LRIG2: variants seen among roughly 807,000 people sequenced by gnomAD.
LRIG2 encodes the protein leucine rich repeats and immunoglobulin like domains 2.
LRIG2 carries 93 observed loss-of-function variants against 107.8 expected under a neutral mutation model. That is an observed-to-expected ratio of 0.86 (90% CI 0.73 to 1.03). The LOEUF (loss-of-function observed/expected upper bound fraction) is 1.03, where lower values mean the gene tolerates loss of function less well. Ranked by LOEUF, LRIG2 falls within the 50% of genes least tolerant of loss-of-function variation. The pLI, the probability that LRIG2 is intolerant of heterozygous loss-of-function variation, is 0.00. For missense variants in LRIG2, 1,226 were observed against 1,296.0 expected, an observed-to-expected ratio of 0.95 and a Z score of 0.83; for synonymous variants, 471 against 470.6, an observed-to-expected ratio of 1.00 and a Z score of -0.01.
intron 1 of LRIG2, among the ~76,000 whole-genome samples, chr1:113,085,007 A>G (rs12063125): frequency 0.018 from 2,681 of 152,342 alleles, 94 homozygotes; most frequent in African/African-American, 0.061. Flanking sequence ...TATTGATTTC[A>G]TGTTTGGCGG....
intron 2 of LRIG2, among the ~76,000 whole-genome samples, chr1:113,092,933 G>C (rs1653888854): frequency 6.6e-6 from 1 of 150,854 alleles, no homozygotes; most frequent in Non-Finnish European, 1.5e-5. Context: ...AGGTTGCAGT[G>C]AGCCAAGATT....
rs754301196 is a variant in LRIG2 at position 113,119,258 on chromosome 1, C to T, written c.2706C>T (p.Cys902=). The T allele has an allele frequency of 6.2e-7, 1 of 1,613,366 alleles. No individual in the cohort carries two copies. Among genetic ancestry groups the T allele is most frequent in the African/African-American group, 1.3e-5 (1 of 74,896 alleles). The change falls in exon 17 of 18, where the codon TGC becomes TGT. Residue 902 remains cysteine (C), a synonymous_variant. Transcript: ENST00000361127. Reference sequence around the variant, plus strand: ...GTGGCACTGGTACCCGGGTGATTTGCTCAGATTGTTATGACAATGCCAACA... The same window carrying T: ...GTGGCACTGGTACCCGGGTGATTTGTTCAGATTGTTATGACAATGCCAACA... ...TDGGTGTRVI[C]SDCYDNANIY... is the part of the protein sequence containing the mutation.
chr1:113,119,763 A>G (rs1655168983), intron 17 of LRIG2, among the ~76,000 whole-genome samples: 5 of 152,170 alleles, frequency 3.3e-5, no homozygotes, highest in Admixed American at 3.3e-4. Flanking sequence ...ACACTACTGA[A>G]AATTCAGAGG....
intron 7 of LRIG2, 72 bp from the exon 8 acceptor site, chr1:113,096,150 G>T: frequency 6.3e-7 from 1 of 1,583,128 alleles, no homozygotes; most frequent in Non-Finnish European, 8.6e-7. Flanking sequence ...AATTTACCAT[G>T]TAGATATAAT....
At chr1:113,119,157 T>G in intron 16 of LRIG2, 76 bp from the exon 17 acceptor site, 3 of 1,422,576 alleles carry the variant, frequency 2.1e-6, no homozygotes, top group Non-Finnish European at 2.9e-6. Flanking sequence ...TGATGACAAC[T>G]TTTGAAGAAA....
At chr1:113,103,529 A>G (rs186756071) in intron 11 of LRIG2, 2 of 152,350 alleles carry the variant, frequency 1.3e-5, no homozygotes, top group East Asian at 1.9e-4. Context: ...CGTGGTCCCT[A>G]TATCTATTGA....
rs1570712650 is a variant in LRIG2 at position 113,073,207 on chromosome 1, G to A, written c.-200G>A. 6 of 586,190 alleles carry A rather than the reference G, an allele frequency of 1.0e-5. No individual in the cohort carries two copies. The South Asian group carries it at 1.3e-4, about 12-fold the overall frequency. The allele number at this position is 586,190 out of a possible 1,614,324, so 36.3% of individuals were successfully genotyped here. A position where few individuals can be genotyped will look rare whatever the true frequency, so the allele number is the denominator to read the frequency against. Reference sequence around the variant, plus strand: ...CGCCGTGGGGAGGGGCGGACGAGAGGTGTCCGTCAGGCCGTGTGTCCCAGG... The same window carrying A: ...CGCCGTGGGGAGGGGCGGACGAGAGATGTCCGTCAGGCCGTGTGTCCCAGG... On this transcript the variant is annotated 5_prime_UTR_variant, in exon 1 of 18. It adds an upstream start codon to the 5' untranslated region. Transcript: ENST00000361127.
intron 17 of LRIG2, among the ~76,000 whole-genome samples, chr1:113,123,645 G>A (rs1655356337): frequency 6.6e-6 from 1 of 150,512 alleles, no homozygotes. Context: ...GACAGTAGAC[G>A]ATATATAGTA....
At chr1:113,121,667 C>T (rs1445410759) in intron 17 of LRIG2, among the ~76,000 whole-genome samples, 1 of 151,550 alleles carries the variant, frequency 6.6e-6, no homozygotes, top group Non-Finnish European at 1.5e-5. Flanking sequence ...CACTTGAACC[C>T]AGGAGGCGGA....
Position 113,077,151 on chromosome 1 carries a change from C to CT in LRIG2, c.239+3517dup, listed in dbSNP as rs1388845564. 4.4e-3 allele frequency among the ~76,000 whole-genome samples: 646 copies of CT among 145,496 alleles called. 3 individuals are homozygous for CT. Among genetic ancestry groups the CT allele is most frequent in the African/African-American group, 0.014 (543 of 40,012 alleles). On this transcript the variant is annotated intron_variant, in intron 1 of 17. Coordinates refer to ENST00000361127, the MANE Select transcript of LRIG2 (RefSeq NM_014813.3). ...CACTGTAGACTGTTAAATTTTTTTT[C>CT]TTTTTTTTTTTGAGATGGAGTTTCT...
Position 113,126,691 on chromosome 1 carries a change from T to G in LRIG2, c.*2590T>G, listed in dbSNP as rs1296615190. Reference sequence around the variant, plus strand: ...GTTTGCCCAAAAGAGGTAAGCCACTTTATTACAGACCCATTACTAGTGCTA... The same window carrying G: ...GTTTGCCCAAAAGAGGTAAGCCACTGTATTACAGACCCATTACTAGTGCTA... On this transcript the variant is annotated 3_prime_UTR_variant, in exon 18 of 18. Coordinates refer to ENST00000361127, the MANE Select transcript of LRIG2 (RefSeq NM_014813.3). The G allele has an allele frequency of 6.5e-6, 1 of 153,280 alleles. No homozygotes were observed. Among genetic ancestry groups the G allele is most frequent in the Non-Finnish European group, 1.5e-5 (1 of 68,052 alleles). 9.5% of individuals were successfully genotyped at this position (153,280 alleles called of 1,614,324 possible).
Position 113,128,194 on chromosome 1 carries a change from T to C in LRIG2, c.*4093T>C, listed in dbSNP as rs1055607605. On this transcript the variant is annotated 3_prime_UTR_variant, in exon 18 of 18. Coordinates refer to ENST00000361127, the MANE Select transcript of LRIG2 (RefSeq NM_014813.3). Reference sequence around the variant, plus strand: ...GTTCTCCCATGGGCAGCAGCACTTCTTGAGCTGTTTAGTACTGCCACACCT... The same window carrying C: ...GTTCTCCCATGGGCAGCAGCACTTCCTGAGCTGTTTAGTACTGCCACACCT... The C allele has an allele frequency of 1.3e-5, 2 of 152,224 alleles. No homozygotes were observed. Among genetic ancestry groups the C allele is most frequent in the African/African-American group, 4.8e-5 (2 of 41,462 alleles). 9.4% of individuals were successfully genotyped at this position (152,224 alleles called of 1,614,324 possible).
intron 1 of LRIG2, among the ~76,000 whole-genome samples, chr1:113,084,984 A>T (rs563615165): frequency 1.3e-5 from 2 of 152,198 alleles, no homozygotes; most frequent in Non-Finnish European, 2.9e-5. Context: ...AAGTAATTAC[A>T]CTCTATCCAA....
At position 113,114,607 on chromosome 1, in the gene LRIG2, T is replaced by C; in HGVS notation, c.2261T>C (p.Val754Ala). The C allele has an allele frequency of 6.2e-7, 1 of 1,614,168 alleles. No homozygotes were observed. Among genetic ancestry groups the C allele is most frequent in the South Asian group, 1.1e-5 (1 of 91,076 alleles). The change falls in exon 15 of 18, where the codon GTA becomes GCA. Residue 754 changes from valine to alanine, a missense_variant. Physicochemically the swap from Val to Ala is moderately conservative, Grantham distance 64. Transcript: ENST00000361127. Reference protein sequence around the residue: ...FAAANQLLIIVDAGLEDAGKY... With the variant: ...FAAANQLLIIADAGLEDAGKY... ...GCAGCCAATCAGCTTCTCATCATTG[T>C]AGATGCCGGGCTAGAAGATGCTGGG...
chr1:113,089,723 C>T (rs543113431), intron 1 of LRIG2, among the ~76,000 whole-genome samples: 8 of 113,470 alleles, frequency 7.1e-5, no homozygotes, highest in Non-Finnish European at 1.0e-4. Flanking sequence ...GCTTTGTCAC[C>T]GAGGCTGGAG....
In LRIG2 at chr1:113,132,127, A is replaced by G. The variant is rs1655719638; in HGVS notation, c.*8026A>G. On this transcript the variant is annotated 3_prime_UTR_variant, in exon 18 of 18. Coordinates refer to ENST00000361127, the MANE Select transcript of LRIG2 (RefSeq NM_014813.3). ...CCTAAACAGAGATACAAGCCAAGTC[A>G]TTGTTCAGTGTAGTCATTTCTTAGT... 1 of 151,904 alleles carries G rather than the reference A, an allele frequency of 6.6e-6. No individual in the cohort carries two copies. Among genetic ancestry groups the G allele is most frequent in the South Asian group, 2.1e-4 (1 of 4,812 alleles). The allele number at this position is 151,904 out of a possible 1,614,324, so 9.4% of individuals were successfully genotyped here.
chr1:113,073,563 C>G lies in LRIG2; in HGVS notation c.157C>G (p.Leu53Val). The change falls in exon 1 of 18, where the codon CTC becomes GTC. Residue 53 changes from leucine to valine, a missense_variant. Leu to Val is a conservative substitution (Grantham distance 32, BLOSUM62 1). Coordinates refer to ENST00000361127, the MANE Select transcript of LRIG2 (RefSeq NM_014813.3). The part of the protein sequence containing the change: ...CPAPCSCRIP[L>V]LDCSRRKLPA... ...CGCGCCCTGCTCCTGCCGCATTCCT[C>G]TCCTGGACTGCAGTCGCAGGAAATT... 1 of 1,614,140 alleles carries G rather than the reference C, an allele frequency of 6.2e-7. No individual in the cohort carries two copies. The highest frequency in any genetic ancestry group is 8.5e-7 in the Non-Finnish European group (1 of 1,180,026).
intron 11 of LRIG2, chr1:113,100,719 A>G (rs1441697633): frequency 5.3e-6 from 2 of 380,812 alleles, no homozygotes; most frequent in East Asian, 4.1e-5. Flanking sequence ...TGTTCTACCA[A>G]TGCTTATAAT....
chr1:113,095,261 G>A (rs1221113751), intron 6 of LRIG2, among the ~76,000 whole-genome samples: 2 of 151,908 alleles, frequency 1.3e-5, no homozygotes, highest in African/African-American at 2.4e-5. Flanking sequence ...ATGAGCCACC[G>A]TGCCCGGCCA....
Sources: gnomAD v4.1 joint callset for allele counts (sites outside exome capture counted in the v4.1 genomes callset) on GRCh38, gnomAD v4.1.1 for gene constraint, MANE v1.5 for transcripts, NCBI Gene and HGNC (gene_info 2026-07-23, HGNC 2026-07-21) for gene names.